RAB3GAP1: variants seen among roughly 807,000 people sequenced by gnomAD.
RAB3GAP1 encodes rab3 GTPase-activating protein catalytic subunit.
RAB3GAP1 carries 86 observed loss-of-function variants against 130.7 expected under a neutral mutation model. That is an observed-to-expected ratio of 0.66 (90% CI 0.55 to 0.79). The LOEUF is 0.79. RAB3GAP1 is among the 30% of genes least tolerant of loss of function. The probability of loss-of-function intolerance (pLI) is 0.00; values close to 1 mark genes in which losing one functional copy is unlikely to be tolerated. For missense variants in RAB3GAP1, 1,029 were observed against 1,169.4 expected (o/e 0.88, Z 1.75); for synonymous variants, 367 against 401.7 (o/e 0.91, Z 1.03).
At chr2:135,057,971 G>GTGTGC (rs1689061683) in intron 2 of RAB3GAP1, 40 bp from the exon 3 acceptor site, 1 of 1,340,454 alleles carries the variant, frequency 7.5e-7, no homozygotes, top group Admixed American at 1.7e-5. Context: ...AGGAAAAAAG[G>GTGTGC]TGTGCTGTTG....
chr2:135,146,914 T>C (rs1165186219), intron 17 of RAB3GAP1, among the ~76,000 whole-genome samples: 2 of 152,138 alleles, frequency 1.3e-5, no homozygotes, highest in African/African-American at 2.4e-5. Flanking sequence ...TAAGGAAATT[T>C]CTGAGGTGAT....
chr2:135,130,609 T>C lies in RAB3GAP1; in HGVS notation c.1124T>C (p.Ile375Thr), dbSNP rs1274254688. The C allele has an allele frequency of 6.2e-7, 1 of 1,613,864 alleles. No homozygotes were observed. The highest frequency in any genetic ancestry group is 8.5e-7 in the Non-Finnish European group (1 of 1,179,842). Residue 375 changes from isoleucine (I) to threonine (T), a missense_variant, in exon 13 of 24, where the codon ATT becomes ACT. Ile to Thr is a moderately conservative substitution (Grantham distance 89). Coordinates refer to ENST00000264158, the MANE Select transcript of RAB3GAP1 (RefSeq NM_012233.3). Reference protein sequence around the residue: ...SKLTEPASVPIHKLSVSNMVH... With the variant: ...SKLTEPASVPTHKLSVSNMVH... Reference sequence around the variant, plus strand: ...TTGACAGAGCCGGCATCAGTTCCAATTCATAAATTATCAGTTTCAAATATG... The same window carrying C: ...TTGACAGAGCCGGCATCAGTTCCAACTCATAAATTATCAGTTTCAAATATG...
intron 13 of RAB3GAP1, 27 bp from the exon 14 acceptor site, chr2:135,132,868 G>A (rs770695284): frequency 1.5e-6 from 2 of 1,301,548 alleles, no homozygotes; most frequent in African/African-American, 1.5e-5. Flanking sequence ...GGTCTAAAAT[G>A]TGATTATTTT....
At chr2:135,142,886 ATT>A (rs1380929390) in intron 17 of RAB3GAP1, among the ~76,000 whole-genome samples, 4 of 135,924 alleles carry the variant, frequency 2.9e-5, no homozygotes, top group Non-Finnish European at 3.2e-5. Flanking sequence ...GCTGGAGTTT[ATT>A]TTTTTTTTTT....
intron 2 of RAB3GAP1, among the ~76,000 whole-genome samples, chr2:135,055,136 C>A (rs552652733): frequency 6.6e-6 from 1 of 152,146 alleles, no homozygotes; most frequent in African/African-American, 2.4e-5. Context: ...AGACACAAAT[C>A]AAGTAATACA....
intron 17 of RAB3GAP1, among the ~76,000 whole-genome samples, chr2:135,141,899 C>G (rs2104962567): frequency 6.6e-6 from 1 of 152,018 alleles, no homozygotes; most frequent in African/African-American, 2.4e-5. Context: ...TTATTCTGTT[C>G]CGTTGGTCTC....
intron 17 of RAB3GAP1, among the ~76,000 whole-genome samples, chr2:135,139,299 G>T (rs1343771550): frequency 6.6e-6 from 1 of 152,028 alleles, no homozygotes; most frequent in East Asian, 1.9e-4. Context: ...CCAGCACTTT[G>T]GGAGGCCAAG....
chr2:135,092,082 C>G (rs1484699318), intron 4 of RAB3GAP1, among the ~76,000 whole-genome samples: 1 of 152,190 alleles, frequency 6.6e-6, no homozygotes, highest in Non-Finnish European at 1.5e-5. Flanking sequence ...AATTAGATAA[C>G]ATATGCATTC....
At chr2:135,090,623 G>A (rs1447009802) in intron 3 of RAB3GAP1, among the ~76,000 whole-genome samples, 2 of 152,270 alleles carry the variant, frequency 1.3e-5, no homozygotes, top group Middle Eastern at 3.4e-3. Context: ...TGCTACAGGT[G>A]TCATGCCACT....
In RAB3GAP1 at chr2:135,107,953, C is replaced by T. The variant is rs1443246359; in HGVS notation, c.363-5198C>T. ...TTGTGCCATTGCACTCCAGCCTGGG[C>T]AAGAAGAGTGAAACTCCATCTCAAA... is the stretch of plus-strand genomic sequence containing the variant. On this transcript the variant is annotated intron_variant, in intron 5 of 23. Coordinates refer to ENST00000264158, the MANE Select transcript of RAB3GAP1 (RefSeq NM_012233.3). Among the ~76,000 whole-genome samples, 5 of 93,536 alleles carry T rather than the reference C, an allele frequency of 5.3e-5. No individual in the cohort carries two copies. The Admixed American group carries it at 8.9e-4, about 17-fold the overall frequency. 61.4% of individuals were successfully genotyped at this position (93,536 alleles called of 152,430 possible).
chr2:135,064,993 G>T (rs1178545144), intron 3 of RAB3GAP1, among the ~76,000 whole-genome samples: 2 of 151,520 alleles, frequency 1.3e-5, no homozygotes, highest in African/African-American at 4.9e-5. Context: ...GATGGCAGCA[G>T]CTGAAATCTT....
intron 12 of RAB3GAP1, 81 bp downstream of exon 12, chr2:135,130,168 G>GT: frequency 8.6e-7 from 1 of 1,162,948 alleles, no homozygotes; most frequent in Non-Finnish European, 1.3e-6. Flanking sequence ...CTTTTCATCT[G>GT]TTTTCTCATT....
chr2:135,061,003 C>CTTTT (rs369829961), intron 3 of RAB3GAP1, among the ~76,000 whole-genome samples: 3 of 131,070 alleles, frequency 2.3e-5, no homozygotes, highest in Admixed American at 7.7e-5. Context: ...TGGGCCCAGC[C>CTTTT]TTTTTTTTTT....
At chr2:135,064,061 G>A (rs1180412947) in intron 3 of RAB3GAP1, among the ~76,000 whole-genome samples, 1 of 152,118 alleles carries the variant, frequency 6.6e-6, no homozygotes. Flanking sequence ...TAAGGAGAAG[G>A]TAGATATATT....
chr2:135,143,994 T>G (rs1405908108), intron 17 of RAB3GAP1, among the ~76,000 whole-genome samples: 1 of 152,220 alleles, frequency 6.6e-6, no homozygotes, highest in East Asian at 1.9e-4. Flanking sequence ...TCTTGGCCAC[T>G]TTGCCCGCTG....
intron 18 of RAB3GAP1, among the ~76,000 whole-genome samples, chr2:135,151,666 T>G (rs1229526571): frequency 2.6e-5 from 4 of 152,286 alleles, no homozygotes; most frequent in Non-Finnish European, 4.4e-5. Context: ...AAACAAATAG[T>G]TGGTACAGTG....
intron 3 of RAB3GAP1, among the ~76,000 whole-genome samples, chr2:135,068,829 A>C (rs558679758): frequency 6.6e-6 from 1 of 152,236 alleles, no homozygotes. Flanking sequence ...CTGTAATTCT[A>C]AACAACAAAC....
intron 17 of RAB3GAP1, among the ~76,000 whole-genome samples, chr2:135,147,746 A>G (rs1692044185): frequency 6.6e-6 from 1 of 151,726 alleles, no homozygotes; most frequent in South Asian, 2.1e-4. Context: ...CTGAGTAGCT[A>G]GAATTATTGG....
At chr2:135,058,225 G>T in intron 3 of RAB3GAP1, 139 bp downstream of exon 3, 1 of 724,544 alleles carries the variant, frequency 1.4e-6, no homozygotes, top group South Asian at 1.6e-5. Context: ...ATAGCATTTG[G>T]AAGAATTTGG....
Sources: allele counts gnomAD v4.1 joint callset (sites outside exome capture counted in the v4.1 genomes callset), GRCh38; gene constraint gnomAD v4.1.1; transcripts MANE v1.5; gene names NCBI Gene and HGNC (gene_info 2026-07-23, HGNC 2026-07-21).